Variants in NPIPB2 observed in about 807,000 individuals in gnomAD.
The protein encoded by NPIPB2 is nuclear pore complex-interacting protein family member B2.
Under a neutral mutation model 30.8 loss-of-function variants are expected in NPIPB2, and 27 were observed. The ratio of observed to expected loss-of-function variants is 0.88; its 90% CI spans 0.65 to 1.21. The LOEUF is 1.21. NPIPB2 is among the 50% of genes most tolerant of loss of function. The pLI, the probability that NPIPB2 is intolerant of heterozygous loss-of-function variation, is 0.00. For synonymous variants in NPIPB2, 147 were observed against 162.0 expected (o/e 0.91, Z 0.70); for missense variants, 440 against 446.2 (o/e 0.99, Z 0.13).
chr16:11,963,442 T>C (rs1367168126), intron 1 of NPIPB2, among the ~76,000 whole-genome samples: 4 of 149,654 alleles, frequency 2.7e-5, no homozygotes, highest in Admixed American at 1.3e-4. Context: ...TGAAATAAAG[T>C]AGAAGGGATG....
chr16:11,960,486 A>T (rs540180046), intron 1 of NPIPB2, among the ~76,000 whole-genome samples: 98 of 150,756 alleles, frequency 6.5e-4, no homozygotes, highest in Non-Finnish European at 1.3e-3. Flanking sequence ...GCTCCCACGT[A>T]GCTAGGATTA....
chr16:11,948,592 C>T, intron 1 of NPIPB2, among the ~76,000 whole-genome samples: 1 of 151,406 alleles, frequency 6.6e-6, no homozygotes, highest in African/African-American at 2.4e-5. Context: ...CGGTGAAACC[C>T]CGTCTCTACT....
At chr16:11,958,271 C>G (rs1391964560) in intron 1 of NPIPB2, among the ~76,000 whole-genome samples, 1 of 151,270 alleles carries the variant, frequency 6.6e-6, no homozygotes, top group Non-Finnish European at 1.5e-5. Flanking sequence ...ACTAAAAATA[C>G]AAAATTAAGC....
upstream of NPIPB2, among the ~76,000 whole-genome samples, chr16:11,943,765 G>A (rs1462564771): frequency 2.0e-5 from 3 of 151,136 alleles, no homozygotes; most frequent in African/African-American, 7.3e-5. Flanking sequence ...TTGGGAGGCC[G>A]AGACGGGTGG....
intron 1 of NPIPB2, among the ~76,000 whole-genome samples, chr16:11,953,919 G>A (rs2055089266): frequency 6.6e-6 from 1 of 150,932 alleles, no homozygotes; most frequent in South Asian, 2.1e-4. Flanking sequence ...CAAGTGATTT[G>A]CCCGCCTTGG....
intron 1 of NPIPB2, chr16:11,967,775 G>A (rs779532238): frequency 3.5e-5 from 57 of 1,614,064 alleles, no homozygotes; most frequent in East Asian, 1.8e-4. Context: ...CCACGAAAAC[G>A]AATGACTATT....
chr16:11,974,564 G>T (rs1436607846), intron 1 of NPIPB2, among the ~76,000 whole-genome samples: 1 of 152,026 alleles, frequency 6.6e-6, no homozygotes. Context: ...GATCAATTGA[G>T]TAAGTCTCCT....
At chr16:11,957,426 GT>G (rs1328009940) in intron 1 of NPIPB2, among the ~76,000 whole-genome samples, 1 of 151,942 alleles carries the variant, frequency 6.6e-6, no homozygotes, top group Non-Finnish European at 1.5e-5. Flanking sequence ...GCCTCCCAAA[GT>G]GCTGGGACCT....
rs527880403 is a variant in NPIPB2 at position 11,952,730 on chromosome 16, A to G, written c.-583-10616T>C. Among the ~76,000 whole-genome samples the G allele has an allele frequency of 4.6e-5, 7 of 151,864 alleles. No individual in the cohort carries two copies. The South Asian group carries it at 1.5e-3, about 32-fold the overall frequency. ...CAGGCACGTGCCACCATGCCTGGCT[A>G]ATTTTTGCATTTTTTAGTAGAGATA... On this transcript the variant is annotated intron_variant, in intron 1 of 5. Coordinates refer to the NPIPB2 transcript ENST00000538896.
intron 4 of NPIPB2, among the ~76,000 whole-genome samples, chr16:11,932,547 G>T (rs1414121103): frequency 6.6e-6 from 1 of 151,316 alleles, no homozygotes; most frequent in Non-Finnish European, 1.5e-5. Context: ...GGAGGCCGAG[G>T]TGTGCGGATC....
chr16:11,933,907 A>T (rs2054828436), exon 3 of NPIPB2: 1 of 1,550,858 alleles, frequency 6.4e-7, no homozygotes, highest in African/African-American at 1.4e-5. Flanking sequence ...ACTGGAAGAT[A>T]GTCTTCAGGA....
chr16:11,943,539 T>G (rs1299497433), upstream of NPIPB2, among the ~76,000 whole-genome samples: 2 of 150,680 alleles, frequency 1.3e-5, no homozygotes, highest in Non-Finnish European at 3.0e-5. Context: ...CCGTCTCTAC[T>G]AAAAATACAA....
At chr16:11,970,432 C>T (rs953985115) in intron 1 of NPIPB2, among the ~76,000 whole-genome samples, 7 of 151,944 alleles carry the variant, frequency 4.6e-5, no homozygotes, top group African/African-American at 1.5e-4. Context: ...AGGCTGGTCT[C>T]GGACTCCTGA....
chr16:11,974,429 A>G (rs1452164568), intron 1 of NPIPB2, among the ~76,000 whole-genome samples: 1 of 152,152 alleles, frequency 6.6e-6, no homozygotes, highest in Non-Finnish European at 1.5e-5. Context: ...AGGCAGGAGA[A>G]TCACTAGAAC....
At chr16:11,933,903 A>G in exon 3 of NPIPB2, 2 of 1,553,976 alleles carry the variant, frequency 1.3e-6, no homozygotes, top group Non-Finnish European at 1.8e-6. Context: ...TCAGACTGGA[A>G]GATAGTCTTC....
upstream of NPIPB2, among the ~76,000 whole-genome samples, chr16:11,944,955 G>C (rs921391141): frequency 1.3e-5 from 2 of 151,328 alleles, no homozygotes; most frequent in Non-Finnish European, 2.9e-5. Flanking sequence ...GAGGTGGGTG[G>C]ATCACCTGAG....
intron 1 of NPIPB2, among the ~76,000 whole-genome samples, chr16:11,955,442 G>A (rs2150931472): frequency 6.6e-6 from 1 of 151,776 alleles, no homozygotes; most frequent in Middle Eastern, 3.4e-3. Flanking sequence ...AGGCGTGGTG[G>A]CTCACGCCTG....
chr16:11,932,421 C>T (rs2054802303), intron 4 of NPIPB2, among the ~76,000 whole-genome samples: 1 of 150,958 alleles, frequency 6.6e-6, no homozygotes, highest in African/African-American at 2.4e-5. Flanking sequence ...GTAGGCAGAT[C>T]ACCTGAGGTC....
intron 1 of NPIPB2, among the ~76,000 whole-genome samples, chr16:11,941,499 G>C (rs2054939962): frequency 6.6e-6 from 1 of 151,130 alleles, no homozygotes; most frequent in African/African-American, 2.4e-5. Context: ...TTCAAATTAA[G>C]TTCTCAAGCG....
Sources: gnomAD v4.1 joint callset for allele counts (sites outside exome capture counted in the v4.1 genomes callset) on GRCh38, gnomAD v4.1.1 for gene constraint, MANE v1.5 for transcripts, NCBI Gene and HGNC (gene_info 2026-07-23, HGNC 2026-07-21) for gene names.